MMP17: variants seen among roughly 807,000 people sequenced by gnomAD.
MMP17 encodes the protein matrix metalloproteinase-17.
MMP17 carries 54 observed loss-of-function variants against 49.1 expected under a neutral mutation model. The ratio of observed to expected loss-of-function variants is 1.10; its 90% confidence interval spans 0.88 to 1.38. The LOEUF is 1.38. Ranked by LOEUF, MMP17 falls within the 40% of genes most tolerant of loss-of-function variation. The probability of loss-of-function intolerance (pLI) is 0.00; values close to 1 mark genes in which losing one functional copy is unlikely to be tolerated. For synonymous variants in MMP17, 397 were observed against 383.1 expected, an observed-to-expected ratio of 1.04 and a Z score of -0.42; for missense variants, 837 against 853.7, an observed-to-expected ratio of 0.98 and a Z score of 0.24.
intron 4 of MMP17, 126 bp from the exon 5 acceptor site, chr12:131,841,498 C>T: frequency 2.0e-6 from 2 of 998,744 alleles, no homozygotes; most frequent in South Asian, 1.5e-5. Flanking sequence ...TGCAGAATCC[C>T]TCTGGCGCAG....
chr12:131,832,523 C>T (rs574217088), intron 1 of MMP17, among the ~76,000 whole-genome samples: 3 of 152,168 alleles, frequency 2.0e-5, no homozygotes, highest in East Asian at 3.9e-4. Flanking sequence ...CCGTGGGACG[C>T]TTGCCCTGGC....
At chr12:131,838,536 CA>C (rs1887203090) in intron 2 of MMP17, 75 bp from the exon 3 acceptor site, 1 of 1,526,870 alleles carries the variant, frequency 6.5e-7, no homozygotes, top group East Asian at 2.3e-5. Context: ...TCAGGGCTCC[CA>C]CCCTTGCGGA....
intron 1 of MMP17, among the ~76,000 whole-genome samples, chr12:131,834,906 C>G (rs995057669): frequency 6.6e-6 from 1 of 152,206 alleles, no homozygotes; most frequent in African/African-American, 2.4e-5. Flanking sequence ...TCCCCACAGC[C>G]GCGCCTCCAC....
chr12:131,836,817 G>A (rs564295371), intron 1 of MMP17, among the ~76,000 whole-genome samples: 1 of 152,302 alleles, frequency 6.6e-6, no homozygotes, highest in African/African-American at 2.4e-5. Flanking sequence ...CAGCTTCATG[G>A]CAGCCTGCAA....
At chr12:131,839,748 G>C (rs1437500025) in intron 3 of MMP17, among the ~76,000 whole-genome samples, 1 of 152,100 alleles carries the variant, frequency 6.6e-6, no homozygotes, top group Non-Finnish European at 1.5e-5. Flanking sequence ...AGGAGTTCGA[G>C]ACCAGCCTGG....
chr12:131,840,303 G>GA, intron 3 of MMP17: 1 of 439,476 alleles, frequency 2.3e-6, no homozygotes, highest in Non-Finnish European at 4.1e-6. Flanking sequence ...CCCTGGGGCT[G>GA]ATGGCTCCAC....
In MMP17 at chr12:131,838,217, AC is replaced by A. The variant is rs1168705809; in HGVS notation, c.184del (p.Leu62CysfsTer43). The part of the protein sequence containing the change: ...LGVEWLSRFG[Y>X]LPPADPTTGQ... ...CAGGAGTGGCTAAGCAGGTTCGGTT[AC>A]CTGCCCCCGGCTGACCCCACAACAG... On this transcript the variant is annotated frameshift_variant, in exon 2 of 10. Coordinates refer to ENST00000360564, the MANE Select transcript of MMP17 (RefSeq NM_016155.7). The A allele has an allele frequency of 6.2e-7, 1 of 1,612,810 alleles. No individual in the cohort carries two copies. Among genetic ancestry groups the A allele is most frequent in the South Asian group, 1.1e-5 (1 of 91,068 alleles).
intron 5 of MMP17, 32 bp from the exon 6 acceptor site, chr12:131,843,965 T>G (rs1375973112): frequency 6.7e-7 from 1 of 1,495,390 alleles, no homozygotes; most frequent in Admixed American, 2.2e-5. Flanking sequence ...GCGTCGGGGG[T>G]TTGAGGCCGT....
intron 8 of MMP17, 48 bp from the exon 9 acceptor site, chr12:131,849,754 T>C (rs758874268): frequency 4.2e-5 from 66 of 1,569,100 alleles, no homozygotes; most frequent in Non-Finnish European, 5.5e-5. Context: ...CTCCTGCCCT[T>C]CGGGGTGGGG....
intron 1 of MMP17, among the ~76,000 whole-genome samples, chr12:131,835,711 G>C (rs981005215): frequency 1.3e-5 from 2 of 152,236 alleles, no homozygotes; most frequent in Non-Finnish European, 2.9e-5. Flanking sequence ...TCCCTGGTGA[G>C]GGGGCAGGGG....
intron 8 of MMP17, among the ~76,000 whole-genome samples, chr12:131,848,231 G>A (rs1323983189): frequency 1.3e-5 from 2 of 151,972 alleles, no homozygotes; most frequent in Non-Finnish European, 1.5e-5. Flanking sequence ...GACTACAGGC[G>A]CTCACCACCG....
At chr12:131,845,010 A>G in intron 6 of MMP17, 108 bp from the exon 7 acceptor site, 1 of 1,151,052 alleles carries the variant, frequency 8.7e-7, no homozygotes, top group Non-Finnish European at 1.3e-6. Flanking sequence ...GGGGCTCCAC[A>G]CAAGGATGCC....
chr12:131,844,933 GCCCGC>G, intron 6 of MMP17, 180 bp from the exon 7 acceptor site: 1 of 610,516 alleles, frequency 1.6e-6, no homozygotes, highest in Non-Finnish European at 2.9e-6. Flanking sequence ...CTCGGCCCCC[GCCCGC>G]TGAAGCGGTG....
rs1445145847 is a variant in MMP17 at position 131,850,073 on chromosome 12, G to A, written c.1462+14G>A. 5.0e-6 allele frequency: 8 copies of A among 1,597,760 alleles called. No homozygotes were observed. The highest frequency in any genetic ancestry group is 6.8e-6 in the Non-Finnish European group (8 of 1,171,818). On this transcript the variant is annotated intron_variant, in intron 9 of 9. Coordinates refer to ENST00000360564, the MANE Select transcript of MMP17 (RefSeq NM_016155.7). Reference sequence around the variant, plus strand: ...GCTGGTCCGACGGTGAGTGCCAGCTGGGGGGACGGGCCATGCGGCCTTGGT... The same window carrying A: ...GCTGGTCCGACGGTGAGTGCCAGCTAGGGGGACGGGCCATGCGGCCTTGGT...
intron 1 of MMP17, 54 bp from the exon 2 acceptor site, chr12:131,838,141 C>G: frequency 6.5e-7 from 1 of 1,527,046 alleles, no homozygotes; most frequent in Non-Finnish European, 8.8e-7. Flanking sequence ...AGGCTTCTCA[C>G]TGGGTAGGAC....
At chr12:131,831,768 C>A (rs891519651) in intron 1 of MMP17, among the ~76,000 whole-genome samples, 28 of 126,664 alleles carry the variant, frequency 2.2e-4, no homozygotes, top group Non-Finnish European at 4.2e-4. Context: ...GGCTGCCGTG[C>A]GATCAGCGGA....
chr12:131,838,493 G>A (rs1383093811), intron 2 of MMP17, 119 bp from the exon 3 acceptor site: 19 of 1,464,440 alleles, frequency 1.3e-5, no homozygotes, highest in Non-Finnish European at 1.6e-5. Flanking sequence ...GATGACGTGG[G>A]AGGAGGGGGC....
At chr12:131,832,493 C>T (rs560646894) in intron 1 of MMP17, among the ~76,000 whole-genome samples, 70 of 152,174 alleles carry the variant, frequency 4.6e-4, no homozygotes, top group Middle Eastern at 3.4e-3. Flanking sequence ...GTGAGTTTGC[C>T]TCCTTGTTGG....
intron 8 of MMP17, among the ~76,000 whole-genome samples, chr12:131,848,793 G>C (rs562700551): frequency 6.6e-6 from 1 of 152,202 alleles, no homozygotes; most frequent in Admixed American, 6.5e-5. Flanking sequence ...TCCATGGCAC[G>C]GACGGACTGC....
Sources: gnomAD v4.1 joint callset for allele counts (sites outside exome capture counted in the v4.1 genomes callset) on GRCh38, gnomAD v4.1.1 for gene constraint, MANE v1.5 for transcripts, NCBI Gene and HGNC (gene_info 2026-07-23, HGNC 2026-07-21) for gene names.